The following FKBP4 variants were observed in gnomAD, a reference collection of about 807,000 sequenced individuals.
The protein encoded by FKBP4 is FKBP prolyl isomerase 4.
In FKBP4, 28 loss-of-function variants were observed where a neutral mutation model predicts 54.1. That is an observed-to-expected ratio of 0.52 (90% CI 0.38 to 0.71). The LOEUF (loss-of-function observed/expected upper bound fraction) is 0.71. Ranked by LOEUF, FKBP4 falls within the 30% of genes least tolerant of loss-of-function variation. The probability of loss-of-function intolerance (pLI) is 0.00; values close to 1 mark genes in which losing one functional copy is unlikely to be tolerated. For missense variants in FKBP4, 493 were observed against 574.4 expected (o/e 0.86, Z 1.45); for synonymous variants, 223 against 216.1 (o/e 1.03, Z -0.28).
Position 2,795,311 on chromosome 12 carries a change from CCCGGAGCCCGCGG to C in FKBP4, c.105+72_105+84del, listed in dbSNP as rs2097901046. The C allele has an allele frequency of 2.1e-5, 18 of 869,986 alleles. No individual in the cohort carries two copies. The highest frequency in any genetic ancestry group is 2.6e-5 in the Non-Finnish European group (18 of 681,424). The allele number at this position is 869,986 out of a possible 1,614,324, so 53.9% of individuals were successfully genotyped here. ...CCCCGCGGGCCGCCCTTCCGCCGCG[CCCGGAGCCCGCGG>C]CCGGGCACGGGTCGAGGCGGCCGCC... is the stretch of plus-strand genomic sequence containing the variant. On this transcript the variant is annotated intron_variant, in intron 1 of 9. Coordinates refer to ENST00000001008, the MANE Select transcript of FKBP4 (RefSeq NM_002014.4). The surrounding 1 kb of genome is among the most constrained non-coding windows in gnomAD (Gnocchi z 4.3).
rs961524449 is a variant in FKBP4 at position 2,795,622 on chromosome 12, C to G, written c.105+378C>G. ...AGCCGCAGCCCGGGGCCAGGCCGGGCCTCCCACGCCACGCCGCCCCCGACC... is the reference window on the plus strand; with the variant it reads ...AGCCGCAGCCCGGGGCCAGGCCGGGGCTCCCACGCCACGCCGCCCCCGACC... On this transcript the variant is annotated intron_variant, in intron 1 of 9. Coordinates refer to ENST00000001008, the MANE Select transcript of FKBP4 (RefSeq NM_002014.4). The surrounding 1 kb of genome is among the most constrained non-coding windows in gnomAD (Gnocchi z 4.3). 1 of 147,742 alleles carries G rather than the reference C, an allele frequency of 6.8e-6. No homozygotes were observed. Among genetic ancestry groups the G allele is most frequent in the African/African-American group, 2.4e-5 (1 of 40,846 alleles). The allele number at this position is 147,742 out of a possible 1,614,324, so 9.2% of individuals were successfully genotyped here.
intron 9 of FKBP4, among the ~76,000 whole-genome samples, chr12:2,801,960 G>C (rs148500142): frequency 1.9e-3 from 296 of 152,082 alleles, no homozygotes; most frequent in Middle Eastern, 6.8e-3. Context: ...CACAGGCAAC[G>C]TGCTCCACCT....
rs2097901646 is a variant in FKBP4, at chr12:2,796,052, AG to A, written c.105+811del. 9 of 1,176,618 alleles carry A rather than the reference AG, an allele frequency of 7.6e-6. No homozygotes were observed. In the Admixed American group the frequency reaches 3.5e-4, roughly 45 times the overall value. The allele number at this position is 1,176,618 out of a possible 1,614,324, so 72.9% of individuals were successfully genotyped here. On this transcript the variant is annotated intron_variant, in intron 1 of 9. Coordinates refer to ENST00000001008, the MANE Select transcript of FKBP4 (RefSeq NM_002014.4). The stretch of plus-strand genomic sequence containing the variant: ...ACAAATAGCCTGGGGAGCTGCGGGG[AG>A]GGCATCTTGACCTGGGCCAGGACAA...
rs1160400874 is a variant in FKBP4, at chr12:2,798,865, A to G, written c.514+39A>G. The G allele has an allele frequency of 3.7e-6, 6 of 1,604,424 alleles. No individual in the cohort carries two copies. The highest frequency in any genetic ancestry group is 1.7e-6 in the Non-Finnish European group (2 of 1,171,850). Reference sequence around the variant, plus strand: ...GTCTGGGCTTTCAATTCTCATTCTGATATTTAGGCCTTGTGTGGCTTTGGG... The same window carrying G: ...GTCTGGGCTTTCAATTCTCATTCTGGTATTTAGGCCTTGTGTGGCTTTGGG... On this transcript the variant is annotated intron_variant, in intron 4 of 9. Coordinates refer to ENST00000001008, the MANE Select transcript of FKBP4 (RefSeq NM_002014.4). This position sits in a 1 kb window ranked among gnomAD's most constrained non-coding sequence, Gnocchi z 4.3.
chr12:2,796,165 T>C (rs1160074749), intron 1 of FKBP4: 2 of 1,275,276 alleles, frequency 1.6e-6, no homozygotes, highest in Non-Finnish European at 2.0e-6. Flanking sequence ...CATCCGCTGC[T>C]GCGTCCTCAT....
Position 2,795,259 on chromosome 12 carries a change from G to T in FKBP4, c.105+15G>T, listed in dbSNP as rs2097901002. 3.1e-6 allele frequency: 4 copies of T among 1,278,320 alleles called. No homozygotes were observed. Among genetic ancestry groups the T allele is most frequent in the Non-Finnish European group, 4.0e-6 (4 of 998,968 alleles). 79.2% of individuals were successfully genotyped at this position (1,278,320 alleles called of 1,614,324 possible). ...GCGTGCTGAAGGTGAGGGGCGGCGGGGCCTGCGGAGGCGTCGGAACCCGGG... is the reference window on the plus strand; with the variant it reads ...GCGTGCTGAAGGTGAGGGGCGGCGGTGCCTGCGGAGGCGTCGGAACCCGGG... On this transcript the variant is annotated intron_variant, in intron 1 of 9. Coordinates refer to ENST00000001008, the MANE Select transcript of FKBP4 (RefSeq NM_002014.4). The surrounding 1 kb of genome is among the most constrained non-coding windows in gnomAD (Gnocchi z 4.3).
At position 2,795,107 on chromosome 12, in the gene FKBP4, C is replaced by G; in HGVS notation, c.-33C>G. ...GGCCCAGAGTGCGCTCGCGCCGGCA[C>G]CAGCTCCCGGATAAACGGCGCGCCG... On this transcript the variant is annotated 5_prime_UTR_variant, in exon 1 of 10. Coordinates refer to ENST00000001008, the MANE Select transcript of FKBP4 (RefSeq NM_002014.4). The surrounding 1 kb of genome is among the most constrained non-coding windows in gnomAD (Gnocchi z 4.3). The G allele has an allele frequency of 7.9e-7, 1 of 1,267,134 alleles. No homozygotes were observed. Among genetic ancestry groups the G allele is most frequent in the South Asian group, 3.3e-5 (1 of 29,914 alleles). 78.5% of individuals were successfully genotyped at this position (1,267,134 alleles called of 1,614,324 possible). A position where few individuals can be genotyped will look rare whatever the true frequency, so the allele number is the denominator to read the frequency against.
Position 2,800,485 on chromosome 12 carries a change from G to T in FKBP4, c.940G>T (p.Ala314Ser). ...SSFSNEEAQK[A>S]QALRLASHLN... ...TTTTTCCAATGAGGAAGCACAGAAA[G>T]CACAGGCCCTTCGACTGGCCTCTCA... The change falls in exon 8 of 10, where the codon GCA (alanine) becomes TCA (serine). Residue 314 changes from alanine to serine, a missense_variant. Physicochemically the swap from Ala to Ser is moderately conservative, Grantham distance 99. Coordinates refer to ENST00000001008, the MANE Select transcript of FKBP4 (RefSeq NM_002014.4). 6.2e-7 allele frequency: 1 copy of T among 1,614,184 alleles called. No homozygotes were observed. The highest frequency in any genetic ancestry group is 1.1e-5 in the South Asian group (1 of 91,084).
Position 2,800,545 on chromosome 12 carries a change from G to T in FKBP4, c.1000G>T (p.Ala334Ser), listed in dbSNP as rs1318971920. The T allele has an allele frequency of 2.5e-6, 4 of 1,613,176 alleles. No individual in the cohort carries two copies. The Admixed American group carries it at 6.7e-5, about 27-fold the overall frequency. The change falls in exon 8 of 10, where the codon GCC becomes TCC. Residue 334 changes from alanine (A) to serine (S), a missense_variant. Physicochemically the swap from Ala to Ser is moderately conservative, Grantham distance 99. Transcript: ENST00000001008. Reference protein sequence around the residue: ...NLAMCHLKLQAFSAAIESCNK... With the variant: ...NLAMCHLKLQSFSAAIESCNK... Reference sequence around the variant, plus strand: ...GGCCATGTGTCATCTGAAACTACAGGCCTTCTCTGCTGCCATTGAAAGCTG... The same window carrying T: ...GGCCATGTGTCATCTGAAACTACAGTCCTTCTCTGCTGCCATTGAAAGCTG...
intron 2 of FKBP4, 145 bp downstream of exon 2, chr12:2,797,427 T>C (rs1032998399): frequency 6.5e-5 from 61 of 943,628 alleles, no homozygotes; most frequent in African/African-American, 1.3e-4. Flanking sequence ...TTTTTTTTTT[T>C]CTACCGTTCT....
In FKBP4 at chr12:2,801,172, A is replaced by C; in HGVS notation, c.1088A>C (p.His363Pro). Residue 363 changes from histidine to proline, a missense_variant, in exon 9 of 10, where the codon CAC becomes CCC. Coordinates refer to ENST00000001008, the MANE Select transcript of FKBP4 (RefSeq NM_002014.4). ...EKGLFRRGEA[H>P]LAVNDFELAR... The stretch of plus-strand genomic sequence containing the variant: ...GGCCTCTTCCGCCGGGGAGAGGCCC[A>C]CCTGGCCGTGAATGACTTTGAACTG... The C allele has an allele frequency of 1.2e-6, 2 of 1,613,696 alleles. No individual in the cohort carries two copies. The highest frequency in any genetic ancestry group is 1.7e-6 in the Non-Finnish European group (2 of 1,179,982).
chr12:2,799,647 C>CCTGG (rs1234722980), intron 5 of FKBP4, among the ~76,000 whole-genome samples: 1 of 152,208 alleles, frequency 6.6e-6, no homozygotes, highest in African/African-American at 2.4e-5. Context: ...CACACTGCTG[C>CCTGG]CTGGCTGTAA....
chr12:2,801,338 G>A lies in FKBP4; in HGVS notation c.1254G>A (p.Leu418=), dbSNP rs1211568118. The A allele has an allele frequency of 1.2e-6, 2 of 1,614,192 alleles. No homozygotes were observed. Among genetic ancestry groups the A allele is most frequent in the Non-Finnish European group, 1.7e-6 (2 of 1,180,034 alleles). ...TCTATGCCAATATGTTTGAGAGGCT[G>A]GCTGAGGAGGAGAACAAGGTGAGGA... is the stretch of plus-strand genomic sequence containing the variant. ...KKLYANMFER[L]AEEENKAKAE... The change falls in exon 9 of 10, where the codon CTG becomes CTA. Residue 418 remains leucine, a synonymous_variant. Transcript: ENST00000001008.
intron 7 of FKBP4, 27 bp from the exon 8 acceptor site, chr12:2,800,358 TGTGCCAG>T: frequency 6.3e-7 from 1 of 1,584,702 alleles, no homozygotes; most frequent in Admixed American, 1.7e-5. Flanking sequence ...CCACTGAAAC[TGTGCCAG>T]GTGCCTGAGC....
At position 2,805,081 on chromosome 12, in the gene FKBP4, C is replaced by T. The variant is rs2153921254; in HGVS notation, c.*1823C>T. 4.5e-6 allele frequency: 2 copies of T among 442,868 alleles called. No homozygotes were observed. The highest frequency in any genetic ancestry group is 4.9e-5 in the Admixed American group (2 of 40,446). The allele number at this position is 442,868 out of a possible 1,614,324, so 27.4% of individuals were successfully genotyped here. ...TCAAGCATTTATGGAGTAAGCCTAG[C>T]ACTGTACTGACAGCATCACATGAGT... On this transcript the variant is annotated 3_prime_UTR_variant, in exon 10 of 10. Transcript: ENST00000001008.
rs1422987413 is a variant in FKBP4 at position 2,795,979 on chromosome 12, G to A, written c.105+735G>A. ...GCCAGGGCTGCGGGGTGTGGGGCGGGGAGGAGGCGCTCTGCTGTGGAGCCT... is the reference window on the plus strand; with the variant it reads ...GCCAGGGCTGCGGGGTGTGGGGCGGAGAGGAGGCGCTCTGCTGTGGAGCCT... On this transcript the variant is annotated intron_variant, in intron 1 of 9. Coordinates refer to ENST00000001008, the MANE Select transcript of FKBP4 (RefSeq NM_002014.4). The surrounding 1 kb of genome is among the most constrained non-coding windows in gnomAD (Gnocchi z 4.3). The A allele has an allele frequency of 1.8e-6, 2 of 1,081,698 alleles. No homozygotes were observed. Among genetic ancestry groups the A allele is most frequent in the South Asian group, 2.3e-5 (1 of 42,826 alleles). 67.0% of individuals were successfully genotyped at this position (1,081,698 alleles called of 1,614,324 possible).
Position 2,797,254 on chromosome 12 carries a change from G to A in FKBP4, c.222G>A (p.Lys74=), listed in dbSNP as rs773048522. ...AGTTTGACTCCAGTCTGGATCGCAA[G>A]GACAAATTCTCCTTTGACCTGGGAA... ...GTKFDSSLDR[K]DKFSFDLGKG... The change falls in exon 2 of 10, where the codon AAG becomes AAA. Residue 74 remains lysine, a synonymous_variant. Transcript: ENST00000001008. 3 of 1,613,828 alleles carry A rather than the reference G, an allele frequency of 1.9e-6. No homozygotes were observed. Among genetic ancestry groups the A allele is most frequent in the African/African-American group, 2.7e-5 (2 of 74,904 alleles).
Position 2,800,555 on chromosome 12 carries a change from C to T in FKBP4, c.1010C>T (p.Ala337Val), listed in dbSNP as rs2097904153. The T allele has an allele frequency of 6.2e-7, 1 of 1,611,868 alleles. No homozygotes were observed. Among genetic ancestry groups the T allele is most frequent in the South Asian group, 1.1e-5 (1 of 90,832 alleles). Residue 337 changes from alanine to valine, a missense_variant, in exon 8 of 10, where the codon GCT (alanine) becomes GTT (valine). Ala to Val is a moderately conservative substitution (Grantham distance 64). Transcript: ENST00000001008. ...CATCTGAAACTACAGGCCTTCTCTG[C>T]TGCCATTGAAAGCTGTAACAAGGTG... ...MCHLKLQAFSAAIESCNKALE... is the reference protein window; with the variant it reads ...MCHLKLQAFSVAIESCNKALE...
chr12:2,796,620 C>A, intron 1 of FKBP4: 1 of 1,154,916 alleles, frequency 8.7e-7, no homozygotes, highest in Non-Finnish European at 1.1e-6. Context: ...CTGGTTTCTT[C>A]CTTACCTGTT....
Sources: gnomAD v4.1 joint callset for allele counts (sites outside exome capture counted in the v4.1 genomes callset) on GRCh38, gnomAD v4.1.1 for gene constraint, Gnocchi (gnomAD v3.1) non-coding constraint, MANE v1.5 for transcripts, NCBI Gene and HGNC (gene_info 2026-07-23, HGNC 2026-07-21) for gene names.